Variants in NXPH2 observed in about 807,000 individuals in gnomAD.
NXPH2 encodes neurexophilin-2.
Under a neutral mutation model 19.8 loss-of-function variants are expected in NXPH2, and 5 were observed. The observed-to-expected ratio is 0.25, with a 90% CI of 0.13 to 0.53. The LOEUF is 0.53. NXPH2 is among the 20% of genes least tolerant of loss of function. NXPH2 has a pLI of 0.96. For missense variants in NXPH2, 289 were observed against 322.8 expected (o/e 0.90, Z 0.80); for synonymous variants, 154 against 127.4 (o/e 1.21, Z -1.41).
chr2:138,709,305 A>C (rs1174157043), intron 1 of NXPH2, among the ~76,000 whole-genome samples: 1 of 152,122 alleles, frequency 6.6e-6, no homozygotes, highest in Non-Finnish European at 1.5e-5. Context: ...CTCTTTTTAT[A>C]ATTTTATTTT....
intron 1 of NXPH2, among the ~76,000 whole-genome samples, chr2:138,713,517 A>T (rs890615940): frequency 1.3e-5 from 2 of 152,244 alleles, no homozygotes; most frequent in Non-Finnish European, 2.9e-5. Flanking sequence ...AAATGAATAT[A>T]GGAAAGGAAA....
At chr2:138,709,430 C>T (rs1681063984) in intron 1 of NXPH2, among the ~76,000 whole-genome samples, 1 of 151,946 alleles carries the variant, frequency 6.6e-6, no homozygotes, top group African/African-American at 2.4e-5. Flanking sequence ...CAGAGATTTC[C>T]CATATACCCC....
chr2:138,677,831 A>G (rs576182597), intron 1 of NXPH2, among the ~76,000 whole-genome samples: 1 of 152,300 alleles, frequency 6.6e-6, no homozygotes, highest in East Asian at 1.9e-4. Flanking sequence ...TTATTTTGGA[A>G]TAATTTTAGT....
chr2:138,753,692 A>C (rs995533068), intron 1 of NXPH2, among the ~76,000 whole-genome samples: 1 of 152,152 alleles, frequency 6.6e-6, no homozygotes, highest in African/African-American at 2.4e-5. Flanking sequence ...CTAATTCATC[A>C]CCAAATAGAT....
chr2:138,747,584 A>T (rs975718523), intron 1 of NXPH2, among the ~76,000 whole-genome samples: 4 of 152,186 alleles, frequency 2.6e-5, no homozygotes, highest in Non-Finnish European at 5.9e-5. Context: ...AGGTTCTGCT[A>T]TTCCCTGGTT....
intron 1 of NXPH2, among the ~76,000 whole-genome samples, chr2:138,693,249 C>T (rs752226432): frequency 2.6e-5 from 4 of 152,068 alleles, no homozygotes; most frequent in African/African-American, 4.8e-5. Context: ...ATTTCCTTAC[C>T]GACTACACAC....
chr2:138,701,947 G>T (rs892857253), intron 1 of NXPH2, among the ~76,000 whole-genome samples: 3 of 152,162 alleles, frequency 2.0e-5, no homozygotes, highest in African/African-American at 7.2e-5. Flanking sequence ...CCCTGCCACT[G>T]TCTATCATAG....
intron 1 of NXPH2, among the ~76,000 whole-genome samples, chr2:138,736,214 C>T (rs1681536255): frequency 6.6e-6 from 1 of 152,214 alleles, no homozygotes; most frequent in Non-Finnish European, 1.5e-5. Flanking sequence ...GGGCTCCTAT[C>T]TCACACTTCC....
intron 1 of NXPH2, among the ~76,000 whole-genome samples, chr2:138,727,314 C>T (rs1198820659): frequency 6.6e-6 from 1 of 152,178 alleles, no homozygotes; most frequent in East Asian, 1.9e-4. Context: ...GCCAGACTGC[C>T]TTCAAAGTGG....
chr2:138,671,891 T>C (rs1362909718), intron 1 of NXPH2, among the ~76,000 whole-genome samples: 1 of 152,188 alleles, frequency 6.6e-6, no homozygotes, highest in African/African-American at 2.4e-5. Flanking sequence ...AAGAACAAAG[T>C]ATTTCATTTT....
intron 1 of NXPH2, among the ~76,000 whole-genome samples, chr2:138,706,248 T>C (rs917563696): frequency 6.6e-6 from 1 of 152,238 alleles, no homozygotes; most frequent in African/African-American, 2.4e-5. Flanking sequence ...CTACTATCCT[T>C]ATTTTACAGC....
intron 1 of NXPH2, among the ~76,000 whole-genome samples, chr2:138,762,385 C>G (rs751469534): frequency 2.0e-5 from 3 of 152,162 alleles, no homozygotes; most frequent in South Asian, 2.1e-4. Context: ...AAGATCACAG[C>G]CCTTGCCCAC....
At chr2:138,671,788 C>T (rs1045897075) in intron 1 of NXPH2, 123 bp from the exon 2 acceptor site, 41 of 982,268 alleles carry the variant, frequency 4.2e-5, no homozygotes, top group Non-Finnish European at 5.5e-5. Context: ...GACAGCATTT[C>T]ACACACACAG....
chr2:138,727,030 T>A (rs957370307), intron 1 of NXPH2, among the ~76,000 whole-genome samples: 3 of 152,238 alleles, frequency 2.0e-5, no homozygotes, highest in African/African-American at 7.2e-5. Context: ...AATCATATAG[T>A]AGAATGTAGC....
At chr2:138,742,645 G>A (rs1394077690) in intron 1 of NXPH2, among the ~76,000 whole-genome samples, 1 of 152,180 alleles carries the variant, frequency 6.6e-6, no homozygotes, top group Non-Finnish European at 1.5e-5. Flanking sequence ...GAGCAAGTAA[G>A]TCTCCTGCTT....
chr2:138,684,673 G>A (rs1309017020), intron 1 of NXPH2, among the ~76,000 whole-genome samples: 2 of 152,126 alleles, frequency 1.3e-5, no homozygotes, highest in East Asian at 3.9e-4. Flanking sequence ...TCCTGTTTCA[G>A]CATTTGCCAT....
chr2:138,702,723 C>A lies in NXPH2; in HGVS notation c.52-31058G>T, dbSNP rs1680948652. Among the ~76,000 whole-genome samples the A allele has an allele frequency of 2.0e-5, 3 of 152,066 alleles. No homozygotes were observed. In the South Asian group the frequency reaches 6.2e-4, roughly 32 times the overall value. On this transcript the variant is annotated intron_variant, in intron 1 of 1. Transcript: ENST00000272641. ...GCTTCAAATACAGTACAAAATGTTG[C>A]TGCCTCCGTCTACATTGGATGTGAG...
At chr2:138,699,372 T>C (rs1680882568) in intron 1 of NXPH2, among the ~76,000 whole-genome samples, 1 of 151,686 alleles carries the variant, frequency 6.6e-6, no homozygotes, top group South Asian at 2.1e-4. Context: ...GACCCCAGGG[T>C]AGAGCTGTGA....
At chr2:138,685,395 T>C (rs2104971994) in intron 1 of NXPH2, among the ~76,000 whole-genome samples, 1 of 152,354 alleles carries the variant, frequency 6.6e-6, no homozygotes, top group African/African-American at 2.4e-5. Flanking sequence ...AATATCTTAC[T>C]TTCATTAACT....
Sources: gnomAD v4.1 joint callset for allele counts (sites outside exome capture counted in the v4.1 genomes callset) on GRCh38, gnomAD v4.1.1 for gene constraint, MANE v1.5 for transcripts, NCBI Gene and HGNC (gene_info 2026-07-23, HGNC 2026-07-21) for gene names.